RP1: variants seen among roughly 807,000 people sequenced by gnomAD.
RP1 encodes oxygen-regulated protein 1.
In RP1, 16 loss-of-function variants were observed where a neutral mutation model predicts 14.8. That is an observed-to-expected ratio of 1.08 (90% CI 0.73 to 1.65). The LOEUF (loss-of-function observed/expected upper bound fraction) is 1.65, where lower values mean the gene tolerates loss of function less well. RP1 is among the 40% of genes most tolerant of loss of function. RP1 has a pLI of 0.00. For missense variants in RP1, 2,631 were observed against 2,535.0 expected (o/e 1.04, Z -0.81); for synonymous variants, 876 against 883.6 (o/e 0.99, Z 0.15).
intron 24 of RP1, among the ~76,000 whole-genome samples, chr8:54,824,529 A>G: frequency 1.4e-5 from 1 of 71,692 alleles, no homozygotes; most frequent in Non-Finnish European, 3.4e-5. Flanking sequence ...ACTGGAAATC[A>G]GAAGTGGGAA....
intron 7 of RP1, among the ~76,000 whole-genome samples, chr8:54,669,570 G>A (rs532224266): frequency 2.6e-4 from 39 of 152,198 alleles, no homozygotes; most frequent in African/African-American, 7.9e-4. Context: ...ATAAAGACAC[G>A]TGCACACGTA....
intron 1 of RP1, among the ~76,000 whole-genome samples, chr8:54,580,508 C>T (rs1391013181): frequency 3.4e-5 from 5 of 148,806 alleles, no homozygotes; most frequent in Non-Finnish European, 5.9e-5. Context: ...GGTTTCACCA[C>T]GTTGGCCTGG....
intron 1 of RP1, among the ~76,000 whole-genome samples, chr8:54,595,992 T>A (rs1409582036): frequency 6.6e-6 from 1 of 152,232 alleles, no homozygotes. Context: ...AAGTCAATAA[T>A]TTTGTCTAAA....
chr8:54,743,949 A>G (rs1034786956), intron 19 of RP1, among the ~76,000 whole-genome samples: 1 of 152,162 alleles, frequency 6.6e-6, no homozygotes, highest in African/African-American at 2.4e-5. Context: ...TGAGTTTCCC[A>G]CATGAGTTTT....
chr8:54,783,870 C>T (rs773391279), intron 24 of RP1, among the ~76,000 whole-genome samples: 27 of 152,080 alleles, frequency 1.8e-4, no homozygotes, highest in Non-Finnish European at 3.1e-4. Context: ...AGCTGGGAAA[C>T]AGTAATAACA....
intron 19 of RP1, among the ~76,000 whole-genome samples, chr8:54,748,970 A>G (rs934854525): frequency 1.3e-5 from 2 of 152,056 alleles, no homozygotes; most frequent in South Asian, 2.1e-4. Context: ...TCTTACATCC[A>G]GTGTTCAGTA....
chr8:54,758,896 GT>G (rs886102892), intron 21 of RP1: 4 of 1,534,102 alleles, frequency 2.6e-6, no homozygotes, highest in South Asian at 1.2e-5. Flanking sequence ...ATTTCTGTGG[GT>G]TTTTTTCTCT....
At chr8:54,725,414 T>C (rs1250148309) in intron 16 of RP1, among the ~76,000 whole-genome samples, 1 of 152,190 alleles carries the variant, frequency 6.6e-6, no homozygotes, top group Non-Finnish European at 1.5e-5. Context: ...TTGTCTGAAA[T>C]GATATCTTAT....
intron 24 of RP1, among the ~76,000 whole-genome samples, chr8:54,823,441 G>A (rs60368171): frequency 0.3 from 45,916 of 151,680 alleles, 7,154 homozygotes; most frequent in South Asian, 0.37. Flanking sequence ...AGCAATTCTT[G>A]TGCCTCAGCC....
intron 24 of RP1, among the ~76,000 whole-genome samples, chr8:54,791,322 C>T (rs1471340171): frequency 6.6e-6 from 1 of 152,068 alleles, no homozygotes; most frequent in Non-Finnish European, 1.5e-5. Flanking sequence ...CTTTTACCTT[C>T]CTTACAAGAA....
chr8:54,816,637 C>T (rs971108047), intron 24 of RP1, among the ~76,000 whole-genome samples: 1 of 152,220 alleles, frequency 6.6e-6, no homozygotes, highest in Admixed American at 6.5e-5. Flanking sequence ...GACTCATGTA[C>T]TAGTCTCTTA....
intron 17 of RP1, among the ~76,000 whole-genome samples, chr8:54,730,124 C>T (rs577466521): frequency 2.1e-4 from 32 of 152,064 alleles, no homozygotes; most frequent in African/African-American, 7.5e-4. Flanking sequence ...ATAAGCCATT[C>T]CATTTCAGAT....
chr8:54,696,412 G>T, intron 12 of RP1: 1 of 701,358 alleles, frequency 1.4e-6, no homozygotes, highest in Admixed American at 2.3e-5. Flanking sequence ...CGGAGCAAGA[G>T]CAAAGAAAAA....
At chr8:54,566,276 C>T (rs187915558) in intron 1 of RP1, among the ~76,000 whole-genome samples, 19 of 152,260 alleles carry the variant, frequency 1.2e-4, no homozygotes, top group Middle Eastern at 3.4e-3. Flanking sequence ...CTCTCCACCC[C>T]AAACTTAATC....
chr8:54,685,274 T>G (rs1807536856), intron 12 of RP1, among the ~76,000 whole-genome samples: 1 of 152,072 alleles, frequency 6.6e-6, no homozygotes, highest in African/African-American at 2.4e-5. Context: ...GAGGTCTAAC[T>G]TTTTGATGAG....
At chr8:54,581,123 T>A (rs1267642078) in intron 1 of RP1, among the ~76,000 whole-genome samples, 1 of 152,170 alleles carries the variant, frequency 6.6e-6, no homozygotes, top group Admixed American at 6.5e-5. Context: ...TCATTTAGCA[T>A]TAGGTATATC....
At chr8:54,755,712 A>G in exon 21 of RP1, 1 of 1,535,592 alleles carries the variant, frequency 6.5e-7, no homozygotes, top group Non-Finnish European at 8.7e-7. Flanking sequence ...GAGAGGGGAG[A>G]CTCTGGCCTC....
intron 18 of RP1, chr8:54,734,760 A>C (rs1455005802): frequency 1.6e-5 from 24 of 1,516,922 alleles, no homozygotes; most frequent in African/African-American, 2.8e-5. Flanking sequence ...CAACACTGGC[A>C]GTAATATTTT....
intron 1 of RP1, among the ~76,000 whole-genome samples, chr8:54,596,000 A>G (rs1805136820): frequency 6.6e-6 from 1 of 152,242 alleles, no homozygotes; most frequent in Non-Finnish European, 1.5e-5. Context: ...AATTTTGTCT[A>G]AATTAAAAAT....
Sources: allele counts gnomAD v4.1 joint callset (sites outside exome capture counted in the v4.1 genomes callset), GRCh38; gene constraint gnomAD v4.1.1; transcripts MANE v1.5; gene names NCBI Gene and HGNC (gene_info 2026-07-23, HGNC 2026-07-21).